The following CTNNA3 variants were observed in gnomAD, a reference collection of about 807,000 sequenced individuals.
CTNNA3 encodes catenin alpha 3, also known as catenin alpha-3.
CTNNA3 carries 76 observed loss-of-function variants against 95.7 expected under a neutral mutation model. The ratio of observed to expected loss-of-function variants is 0.79; its 90% CI spans 0.66 to 0.96. The LOEUF is 0.96. Among genes scored for constraint, CTNNA3 ranks in the 40% least tolerant of loss-of-function variants. The pLI is 0.00. For synonymous variants in CTNNA3, 431 were observed against 374.4 expected (o/e 1.15, Z -1.74); for missense variants, 1,191 against 1,089.8 (o/e 1.09, Z -1.31).
intron 3 of CTNNA3, among the ~76,000 whole-genome samples, chr10:67,598,048 G>A (rs1479605436): frequency 1.3e-5 from 2 of 152,114 alleles, no homozygotes; most frequent in African/African-American, 2.4e-5. Context: ...GCAGACAGAG[G>A]AGCACTCATC....
chr10:66,000,885 G>A (rs1389748970), intron 15 of CTNNA3, among the ~76,000 whole-genome samples: 1 of 152,104 alleles, frequency 6.6e-6, no homozygotes, highest in African/African-American at 2.4e-5. Flanking sequence ...TGAACTCAGG[G>A]AATGTGGCTA....
At chr10:66,718,231 TG>T (rs1414820326) in intron 9 of CTNNA3, among the ~76,000 whole-genome samples, 5 of 152,156 alleles carry the variant, frequency 3.3e-5, no homozygotes, top group African/African-American at 1.2e-4. Flanking sequence ...TAATCCTAAA[TG>T]TTGCAATTGC....
At chr10:67,131,448 G>GTTA (rs1429470190) in intron 7 of CTNNA3, among the ~76,000 whole-genome samples, 2 of 151,956 alleles carry the variant, frequency 1.3e-5, no homozygotes, top group African/African-American at 4.8e-5. Context: ...TAGCTATTGT[G>GTTA]TTATTATTAT....
chr10:67,588,088 C>T (rs1842688001), intron 3 of CTNNA3, among the ~76,000 whole-genome samples: 1 of 152,074 alleles, frequency 6.6e-6, no homozygotes, highest in Non-Finnish European at 1.5e-5. Context: ...CTTGATTTCT[C>T]ATTCATATTC....
intron 9 of CTNNA3, among the ~76,000 whole-genome samples, chr10:66,671,237 C>T (rs982553413): frequency 6.6e-6 from 1 of 152,034 alleles, no homozygotes; most frequent in Non-Finnish European, 1.5e-5. Context: ...GCATTAATTG[C>T]ATTTTTATAG....
chr10:66,427,771 A>T (rs1462390779), intron 11 of CTNNA3, among the ~76,000 whole-genome samples: 2 of 152,026 alleles, frequency 1.3e-5, no homozygotes, highest in African/African-American at 4.8e-5. Context: ...ATGGAAAGGA[A>T]CAACCGGTAC....
intron 5 of CTNNA3, among the ~76,000 whole-genome samples, chr10:67,296,902 C>G (rs1840055824): frequency 7.7e-6 from 1 of 130,200 alleles, no homozygotes; most frequent in Non-Finnish European, 1.5e-5. Context: ...CCATTGCACT[C>G]CAGCCTGGGC....
intron 17 of CTNNA3, among the ~76,000 whole-genome samples, chr10:65,949,137 A>C (rs2077570623): frequency 6.6e-6 from 1 of 152,172 alleles, no homozygotes; most frequent in Admixed American, 6.6e-5. Flanking sequence ...CTGCATTTCT[A>C]GAGAACAAAG....
intron 12 of CTNNA3, among the ~76,000 whole-genome samples, chr10:66,360,670 C>CTTTCTTTCTTTCTTTCTTTCTTT (rs1564896378): frequency 3.9e-5 from 2 of 51,516 alleles, no homozygotes; most frequent in Non-Finnish European, 5.0e-5. Context: ...TTCCTTCCTT[C>CTTTCTTTCTTTCTTTCTTTCTTT]CTTCCTTCCT....
chr10:65,968,290 T>C (rs969283910), intron 16 of CTNNA3, among the ~76,000 whole-genome samples: 4 of 152,052 alleles, frequency 2.6e-5, no homozygotes, highest in African/African-American at 9.7e-5. Context: ...GTGGGAGGAT[T>C]GCCTGAGCCC....
chr10:67,497,639 A>G (rs1160043774), intron 5 of CTNNA3, among the ~76,000 whole-genome samples: 1 of 152,182 alleles, frequency 6.6e-6, no homozygotes, highest in East Asian at 1.9e-4. Flanking sequence ...CTGGCGTGAG[A>G]TGGTATCTCA....
intron 9 of CTNNA3, among the ~76,000 whole-genome samples, chr10:66,749,589 C>T (rs550908049): frequency 5.5e-4 from 83 of 152,246 alleles, no homozygotes; most frequent in African/African-American, 1.9e-3. Flanking sequence ...GGATATACCC[C>T]GGTTTATTTA....
chr10:66,323,557 C>T (rs1178775451), intron 12 of CTNNA3, among the ~76,000 whole-genome samples: 1 of 150,972 alleles, frequency 6.6e-6, no homozygotes, highest in Non-Finnish European at 1.5e-5. Context: ...GAGGCTGAGG[C>T]AGAAGAATCG....
At chr10:66,512,695 T>G (rs1334114379) in intron 11 of CTNNA3, among the ~76,000 whole-genome samples, 1 of 152,158 alleles carries the variant, frequency 6.6e-6, no homozygotes, top group Non-Finnish European at 1.5e-5. Context: ...AGTTTAACAG[T>G]GATTAATTCC....
At chr10:65,921,441 A>G (rs1209498648) in intron 17 of CTNNA3, among the ~76,000 whole-genome samples, 1 of 152,258 alleles carries the variant, frequency 6.6e-6, no homozygotes, top group Non-Finnish European at 1.5e-5. Flanking sequence ...CATGGTACAT[A>G]TTCCTTCTCT....
At chr10:67,469,515 A>C (rs1847736152) in intron 5 of CTNNA3, among the ~76,000 whole-genome samples, 1 of 151,940 alleles carries the variant, frequency 6.6e-6, no homozygotes, top group Non-Finnish European at 1.5e-5. Flanking sequence ...GAAAACAGAA[A>C]ACCAAACACC....
At chr10:67,237,136 A>ATATATATATATG (rs1865514566) in intron 5 of CTNNA3, among the ~76,000 whole-genome samples, 1 of 51,548 alleles carries the variant, frequency 1.9e-5, no homozygotes, top group South Asian at 5.6e-4. Context: ...GTATATATAT[A>ATATATATATATG]TATATATATA....
intron 7 of CTNNA3, among the ~76,000 whole-genome samples, chr10:66,818,738 T>C (rs1206308638): frequency 2.6e-5 from 4 of 151,836 alleles, no homozygotes; most frequent in African/African-American, 7.3e-5. Flanking sequence ...TGGGTTTTTT[T>C]CAGAAATTGG....
intron 17 of CTNNA3, among the ~76,000 whole-genome samples, chr10:65,955,068 A>T (rs149051214): frequency 0.011 from 1,657 of 152,242 alleles, 11 homozygotes; most frequent in Middle Eastern, 0.037. Flanking sequence ...TTCATTGAGC[A>T]GTGGTTTGTA....
Sources: allele counts gnomAD v4.1 joint callset (sites outside exome capture counted in the v4.1 genomes callset), GRCh38; gene constraint gnomAD v4.1.1; transcripts MANE v1.5; gene names NCBI Gene and HGNC (gene_info 2026-07-23, HGNC 2026-07-21).